FMN2: variants seen among roughly 807,000 people sequenced by gnomAD.
FMN2 encodes the protein formin-2.
FMN2 carries 51 observed loss-of-function variants against 142.3 expected under a neutral mutation model. The ratio of observed to expected loss-of-function variants is 0.36; its 90% CI spans 0.29 to 0.45. The LOEUF is 0.45. Ranked by LOEUF, FMN2 falls within the 20% of genes least tolerant of loss-of-function variation. The pLI, the probability that FMN2 is intolerant of heterozygous loss-of-function variation, is 1.00. For synonymous variants in FMN2, 882 were observed against 869.8 expected, an observed-to-expected ratio of 1.01 and a Z score of -0.25; for missense variants, 1,936 against 2,122.8, an observed-to-expected ratio of 0.91 and a Z score of 1.73.
rs753049982 is a variant in FMN2, at chr1:240,123,354, G to A, written c.1782+9G>A. 1.4e-5 allele frequency: 22 copies of A among 1,611,542 alleles called. No individual in the cohort carries two copies. The highest frequency in any genetic ancestry group is 1.1e-4 in the South Asian group (10 of 90,934). ...ATGCAGCTTCGTTTGATGTAAGTAG[G>A]AGAATTCACTTCTGTCCGTGAGGCA... On this transcript the variant is annotated intron_variant, in intron 2 of 17. Transcript: ENST00000319653.
chr1:240,332,920 T>A (rs1671428324), intron 11 of FMN2, among the ~76,000 whole-genome samples: 1 of 152,162 alleles, frequency 6.6e-6, no homozygotes, highest in African/African-American at 2.4e-5. Context: ...GAAGTCAAGT[T>A]GCTTAAATCA....
At chr1:240,390,451 A>G (rs1673568327) in intron 14 of FMN2, among the ~76,000 whole-genome samples, 1 of 152,232 alleles carries the variant, frequency 6.6e-6, no homozygotes, top group Admixed American at 6.5e-5. Flanking sequence ...GGTGAACATC[A>G]AAAGAAGTCA....
At chr1:240,161,225 C>T (rs1664263403) in intron 2 of FMN2, among the ~76,000 whole-genome samples, 1 of 152,056 alleles carries the variant, frequency 6.6e-6, no homozygotes, top group Admixed American at 6.6e-5. Context: ...ATGTGACAAA[C>T]TACCCCTAAA....
At chr1:240,390,509 G>A (rs923422543) in intron 14 of FMN2, among the ~76,000 whole-genome samples, 4 of 152,180 alleles carry the variant, frequency 2.6e-5, no homozygotes, top group Admixed American at 2.0e-4. Flanking sequence ...CAATTTAGGA[G>A]CTTATGCTTT....
At chr1:240,369,178 A>C (rs931212215) in intron 14 of FMN2, among the ~76,000 whole-genome samples, 2 of 152,010 alleles carry the variant, frequency 1.3e-5, no homozygotes, top group African/African-American at 4.8e-5. Flanking sequence ...CTTTGTTTCT[A>C]GGCATGCAAG....
At chr1:240,251,354 G>A (rs554288435) in intron 6 of FMN2, among the ~76,000 whole-genome samples, 2 of 152,078 alleles carry the variant, frequency 1.3e-5, no homozygotes, top group East Asian at 1.9e-4. Context: ...GGAGCAGGTT[G>A]TTTAATTTCC....
chr1:240,311,480 C>A (rs1670603601), intron 8 of FMN2, among the ~76,000 whole-genome samples: 1 of 151,974 alleles, frequency 6.6e-6, no homozygotes, highest in South Asian at 2.1e-4. Context: ...TGAGTTGGTT[C>A]ATGGAATCCC....
intron 1 of FMN2, among the ~76,000 whole-genome samples, chr1:240,111,855 A>G (rs547153446): frequency 6.6e-6 from 1 of 152,150 alleles, no homozygotes; most frequent in South Asian, 2.1e-4. Flanking sequence ...TGCTTAAGCT[A>G]TGGCTGCAAT....
At chr1:240,249,659 A>G (rs1030101055) in intron 6 of FMN2, among the ~76,000 whole-genome samples, 1 of 152,086 alleles carries the variant, frequency 6.6e-6, no homozygotes, top group Non-Finnish European at 1.5e-5. Flanking sequence ...TTGTTTTGAT[A>G]AGGATTGCAC....
At chr1:240,171,945 G>C (rs1251563149) in intron 2 of FMN2, among the ~76,000 whole-genome samples, 1 of 152,148 alleles carries the variant, frequency 6.6e-6, no homozygotes, top group African/African-American at 2.4e-5. Flanking sequence ...AGCCAAAACA[G>C]ATCTGAAGAA....
intron 16 of FMN2, among the ~76,000 whole-genome samples, chr1:240,439,270 C>CAAAAAAAAAAAAAAAAAAAAAAAAA (rs58234038): frequency 9.9e-6 from 1 of 101,262 alleles, no homozygotes; most frequent in Admixed American, 1.1e-4. Flanking sequence ...AAGGCTGTCT[C>CAAAAAAAAAAAAAAAAAAAAAAAAA]AAAAAAAAAA....
chr1:240,251,881 C>T (rs142767050), intron 6 of FMN2, among the ~76,000 whole-genome samples: 2 of 152,028 alleles, frequency 1.3e-5, no homozygotes, highest in African/African-American at 4.8e-5. Flanking sequence ...CAAGTCATTT[C>T]CTTAATTGAT....
intron 1 of FMN2, among the ~76,000 whole-genome samples, chr1:240,100,732 C>A (rs1474330758): frequency 6.6e-6 from 1 of 152,128 alleles, no homozygotes; most frequent in African/African-American, 2.4e-5. Flanking sequence ...TGCCTCTATT[C>A]TGTGATCCAG....
At chr1:240,230,599 A>T (rs1346080140) in intron 6 of FMN2, among the ~76,000 whole-genome samples, 1 of 131,608 alleles carries the variant, frequency 7.6e-6, no homozygotes. Flanking sequence ...TTCTATATGG[A>T]TTGTAATGTT....
chr1:240,104,679 C>T lies in FMN2; in HGVS notation c.1615+10955C>T, dbSNP rs550291075. On this transcript the variant is annotated intron_variant, in intron 1 of 17. Transcript: ENST00000319653. ...GTTTCTTAAAAAGAACAAAACAAAA[C>T]TCAACCACCTTTGGAAAAAAATCTA... Among the ~76,000 whole-genome samples, 6 of 152,298 alleles carry T rather than the reference C, an allele frequency of 3.9e-5. No homozygotes were observed. In the East Asian group the frequency reaches 1.2e-3, roughly 29 times the overall value.
chr1:240,236,221 T>A (rs1013022728), intron 6 of FMN2, among the ~76,000 whole-genome samples: 1 of 152,164 alleles, frequency 6.6e-6, no homozygotes, highest in African/African-American at 2.4e-5. Context: ...AAAGGTGATT[T>A]CCTTTCAGGT....
chr1:240,116,228 C>T lies in FMN2; in HGVS notation c.1616-6951C>T, dbSNP rs532730242. Reference sequence around the variant, plus strand: ...GTCTTGTGGAGCTCCGCTCTGTCTTCAGAGGCTTCACGTAGCTGCCCCAAC... The same window carrying T: ...GTCTTGTGGAGCTCCGCTCTGTCTTTAGAGGCTTCACGTAGCTGCCCCAAC... On this transcript the variant is annotated intron_variant, in intron 1 of 17. Coordinates refer to ENST00000319653, the MANE Select transcript of FMN2 (RefSeq NM_020066.5). Among the ~76,000 whole-genome samples the T allele has an allele frequency of 5.3e-5, 8 of 152,332 alleles. No homozygotes were observed. The South Asian group carries it at 1.2e-3, about 24-fold the overall frequency.
At chr1:240,248,109 C>T (rs1440436589) in intron 6 of FMN2, among the ~76,000 whole-genome samples, 4 of 152,064 alleles carry the variant, frequency 2.6e-5, no homozygotes, top group African/African-American at 9.6e-5. Flanking sequence ...CCACCACCCA[C>T]CCTACGCAGC....
intron 16 of FMN2, among the ~76,000 whole-genome samples, chr1:240,465,938 G>T (rs1165662154): frequency 6.6e-6 from 1 of 152,116 alleles, no homozygotes; most frequent in African/African-American, 2.4e-5. Context: ...TAATCACACT[G>T]AACTTTTGTA....
Sources: allele counts gnomAD v4.1 joint callset (sites outside exome capture counted in the v4.1 genomes callset), GRCh38; gene constraint gnomAD v4.1.1; transcripts MANE v1.5; gene names NCBI Gene and HGNC (gene_info 2026-07-23, HGNC 2026-07-21).